Variants in BACH2 observed in about 807,000 individuals in gnomAD.
BACH2 encodes transcription regulator protein BACH2.
BACH2 carries 5 observed loss-of-function variants against 61.8 expected under a neutral mutation model. That is an observed-to-expected ratio of 0.08 (90% CI 0.04 to 0.17). BACH2 has a LOEUF of 0.17. Among genes scored for constraint, BACH2 ranks in the 10% least tolerant of loss-of-function variants. The probability of loss-of-function intolerance (pLI) is 1.00; values close to 1 mark genes in which losing one functional copy is unlikely to be tolerated. For missense variants in BACH2, 824 were observed against 1,091.1 expected, an observed-to-expected ratio of 0.76 and a Z score of 3.45; for synonymous variants, 446 against 440.1, an observed-to-expected ratio of 1.01 and a Z score of -0.17.
rs1448226421 is a variant in BACH2 at position 90,260,429 on chromosome 6, G to C, written c.-352-7839C>G. 2.6e-5 allele frequency among the ~76,000 whole-genome samples: 4 copies of C among 152,268 alleles called. No homozygotes were observed. The East Asian group carries it at 5.8e-4, about 22-fold the overall frequency. ...TGAAGTTATATCTGAAATGATACTA[G>C]ACATAATTTCAATCTTAAATTTTGT... On this transcript the variant is annotated intron_variant, in intron 2 of 8. Coordinates refer to ENST00000257749, the MANE Select transcript of BACH2 (RefSeq NM_021813.4).
In BACH2 at chr6:89,932,656, A is replaced by C. The variant is rs1020109921; in HGVS notation, c.2278T>G (p.Cys760Gly). The C allele has an allele frequency of 1.9e-6, 3 of 1,613,948 alleles. No homozygotes were observed. The African/African-American group carries it at 4.0e-5, about 22-fold the overall frequency. ...CAGGGCACGTTTTCCCCCACTGCGC[A>C]TTGGGAGGCCGCAATGTTCTGCTCA... is the stretch of plus-strand genomic sequence containing the variant. Reference protein sequence around the residue: ...GAEQNIAASQCAVGENVPCCL... With the variant: ...GAEQNIAASQGAVGENVPCCL... The change falls in exon 9 of 9, where the codon TGC becomes GGC. Residue 760 changes from cysteine to glycine, a missense_variant. Cys to Gly is a radical substitution (Grantham distance 159). Transcript: ENST00000257749.
chr6:90,175,849 T>C (rs1024186913), intron 4 of BACH2, among the ~76,000 whole-genome samples: 15 of 152,136 alleles, frequency 9.9e-5, no homozygotes, highest in African/African-American at 3.6e-4. Context: ...CCCTCCTCTA[T>C]CTGGCCCTCA....
intron 5 of BACH2, among the ~76,000 whole-genome samples, chr6:90,076,712 T>C (rs1279432539): frequency 1.3e-5 from 2 of 152,132 alleles, no homozygotes; most frequent in East Asian, 3.9e-4. Flanking sequence ...TCATTTATAC[T>C]CCACCGTGTC....
chr6:90,234,756 T>C (rs1244504210), intron 3 of BACH2, among the ~76,000 whole-genome samples: 2 of 152,218 alleles, frequency 1.3e-5, no homozygotes, highest in African/African-American at 4.8e-5. Flanking sequence ...ATGGTTATGA[T>C]AGCATAACCT....
intron 3 of BACH2, chr6:90,218,306 CA>C (rs1182090825): frequency 1.3e-5 from 2 of 152,282 alleles, no homozygotes; most frequent in East Asian, 3.9e-4. Flanking sequence ...TAAACAGAGG[CA>C]AGCTGCTGGA....
At chr6:89,996,545 G>A (rs1776857978) in intron 6 of BACH2, among the ~76,000 whole-genome samples, 1 of 152,080 alleles carries the variant, frequency 6.6e-6, no homozygotes, top group Non-Finnish European at 1.5e-5. Flanking sequence ...TCTCTCATTT[G>A]TGCTGATAAA....
intron 4 of BACH2, among the ~76,000 whole-genome samples, chr6:90,136,842 CTT>C (rs911635513): frequency 1.0e-4 from 15 of 143,760 alleles, no homozygotes; most frequent in Admixed American, 1.4e-4. Context: ...TCTTTTCTTT[CTT>C]TTTTTTTTTT....
chr6:89,932,334 T>A lies in BACH2; in HGVS notation c.*74A>T. Reference sequence around the variant, plus strand: ...TTCTCGGTTTCTTCGGGACAGCAGATGAACAGTGCCACAGGCTGACTGAAG... The same window carrying A: ...TTCTCGGTTTCTTCGGGACAGCAGAAGAACAGTGCCACAGGCTGACTGAAG... On this transcript the variant is annotated 3_prime_UTR_variant, in exon 9 of 9. Coordinates refer to ENST00000257749, the MANE Select transcript of BACH2 (RefSeq NM_021813.4). 6.5e-7 allele frequency: 1 copy of A among 1,548,732 alleles called. No homozygotes were observed. Among genetic ancestry groups the A allele is most frequent in the Non-Finnish European group, 8.8e-7 (1 of 1,140,538 alleles).
chr6:89,996,371 A>ACAGATAT (rs1179180562), intron 6 of BACH2, among the ~76,000 whole-genome samples: 2 of 152,182 alleles, frequency 1.3e-5, no homozygotes, highest in African/African-American at 2.4e-5. Flanking sequence ...CCATTGCTAG[A>ACAGATAT]CAGATATTCC....
At chr6:90,216,530 C>G (rs1235249489) in intron 3 of BACH2, among the ~76,000 whole-genome samples, 1 of 152,186 alleles carries the variant, frequency 6.6e-6, no homozygotes, top group East Asian at 1.9e-4. Flanking sequence ...CTGAGGGGAT[C>G]CACCTGCTAA....
Position 89,986,525 on chromosome 6 carries a change from T to C in BACH2, c.243+22077A>G, listed in dbSNP as rs1776249910. ...GTGAATGATTTTTTTAAAGTTTTCT[T>C]TTAATTTTTATAATGAATACACATA... On this transcript the variant is annotated intron_variant, in intron 6 of 8. Coordinates refer to ENST00000257749, the MANE Select transcript of BACH2 (RefSeq NM_021813.4). 3.9e-5 allele frequency among the ~76,000 whole-genome samples: 6 copies of C among 152,294 alleles called. No homozygotes were observed. In the South Asian group the frequency reaches 1.2e-3, roughly 32 times the overall value.
chr6:90,183,702 G>C (rs1362145999), intron 4 of BACH2, among the ~76,000 whole-genome samples: 3 of 152,160 alleles, frequency 2.0e-5, no homozygotes. Flanking sequence ...CATTCTTCCT[G>C]ATCTACTCCC....
chr6:90,219,395 C>T (rs1204949394), intron 3 of BACH2, among the ~76,000 whole-genome samples: 1 of 152,224 alleles, frequency 6.6e-6, no homozygotes, highest in Non-Finnish European at 1.5e-5. Flanking sequence ...TCTATCCACA[C>T]AAGCAACTGC....
chr6:90,058,420 T>C (rs940413844), intron 5 of BACH2, among the ~76,000 whole-genome samples: 2 of 152,210 alleles, frequency 1.3e-5, no homozygotes, highest in African/African-American at 4.8e-5. Flanking sequence ...TTACAAGGGA[T>C]ATGAAGGAGC....
At chr6:90,171,873 A>T (rs1224826803) in intron 4 of BACH2, among the ~76,000 whole-genome samples, 3 of 152,228 alleles carry the variant, frequency 2.0e-5, no homozygotes, top group Non-Finnish European at 4.4e-5. Flanking sequence ...ATGAAAATAT[A>T]ATAATTATAT....
At chr6:90,281,597 A>G (rs1771860197) in intron 1 of BACH2, among the ~76,000 whole-genome samples, 1 of 151,996 alleles carries the variant, frequency 6.6e-6, no homozygotes, top group Non-Finnish European at 1.5e-5. Flanking sequence ...TTTACCATCT[A>G]TGTATGTATC....
chr6:90,154,279 T>C (rs916900036), intron 4 of BACH2, among the ~76,000 whole-genome samples: 1 of 152,068 alleles, frequency 6.6e-6, no homozygotes, highest in Non-Finnish European at 1.5e-5. Context: ...ATGAACAAAA[T>C]TGATTCATGG....
intron 1 of BACH2, among the ~76,000 whole-genome samples, chr6:90,295,992 A>G (rs2127897190): frequency 1.3e-5 from 2 of 152,090 alleles, no homozygotes; most frequent in Admixed American, 6.5e-5. Flanking sequence ...CCGAGGGTTA[A>G]GGAGGAGGCC....
At chr6:90,215,239 G>A (rs373633696) in intron 3 of BACH2, among the ~76,000 whole-genome samples, 1 of 152,172 alleles carries the variant, frequency 6.6e-6, no homozygotes, top group Non-Finnish European at 1.5e-5. Flanking sequence ...GCAGGTAGTA[G>A]TGTAACTATG....
Sources: allele counts gnomAD v4.1 joint callset (sites outside exome capture counted in the v4.1 genomes callset), GRCh38; gene constraint gnomAD v4.1.1; transcripts MANE v1.5; gene names NCBI Gene and HGNC (gene_info 2026-07-23, HGNC 2026-07-21).